The following MEI1 variants were observed in gnomAD, a reference collection of about 807,000 sequenced individuals.
MEI1 encodes the protein meiosis inhibitor protein 1.
In MEI1, 103 loss-of-function variants were observed where a neutral mutation model predicts 146.2. That is an observed-to-expected ratio of 0.70 (90% confidence interval 0.60 to 0.83). The LOEUF is 0.83. Ranked by LOEUF, MEI1 falls within the 40% of genes least tolerant of loss-of-function variation. MEI1 has a pLI of 0.00. For missense variants in MEI1, 1,529 were observed against 1,533.0 expected (o/e 1.00, Z 0.04); for synonymous variants, 652 against 628.2 (o/e 1.04, Z -0.57).
intron 19 of MEI1, among the ~76,000 whole-genome samples, chr22:41,766,889 A>T (rs1182151684): frequency 6.6e-6 from 1 of 152,180 alleles, no homozygotes; most frequent in Non-Finnish European, 1.5e-5. Flanking sequence ...TTTATCAGGA[A>T]GTTGTTCTGA....
At position 41,799,176 on chromosome 22, in the gene MEI1, G is replaced by A. The variant is rs554426178; in HGVS notation, c.3780-78G>A. On this transcript the variant is annotated intron_variant, in intron 30 of 30. Transcript: ENST00000401548. ...TGTTCTTGCCTGACCATTCTTGACT[G>A]TTTTGGGCTCTGGAAGTGTGATGCC... The A allele has an allele frequency of 4.3e-6, 6 of 1,399,410 alleles. No homozygotes were observed. The South Asian group carries it at 5.8e-5, about 14-fold the overall frequency. The allele number at this position is 1,399,410 out of a possible 1,614,324, so 86.7% of individuals were successfully genotyped here. A position where few individuals can be genotyped will look rare whatever the true frequency, so the allele number is the denominator to read the frequency against.
intron 20 of MEI1, among the ~76,000 whole-genome samples, chr22:41,773,716 A>G (rs2075304476): frequency 6.6e-6 from 1 of 152,102 alleles, no homozygotes; most frequent in African/African-American, 2.4e-5. Context: ...TCTACTAAAA[A>G]TACAAAAAAT....
intron 1 of MEI1, among the ~76,000 whole-genome samples, chr22:41,700,597 C>T (rs551987463): frequency 1.1e-3 from 29 of 26,258 alleles, no homozygotes; most frequent in African/African-American, 1.5e-3. Context: ...TCCCATAGTG[C>T]TGGGATTATA....
In MEI1 at chr22:41,723,934, G is replaced by A. The variant is rs748299582; in HGVS notation, c.734-9G>A. ...TCTTGCCTTACTTCCCAATCCCTTT[G>A]TTTCCTAGGTTTGCTGAGGCAGCTG... is the stretch of plus-strand genomic sequence containing the variant. On this transcript the variant is annotated splice_polypyrimidine_tract_variant and intron_variant, in intron 6 of 30. Coordinates refer to ENST00000401548, the MANE Select transcript of MEI1 (RefSeq NM_152513.4). 5 of 1,587,518 alleles carry A rather than the reference G, an allele frequency of 3.1e-6. No homozygotes were observed. Among genetic ancestry groups the A allele is most frequent in the Non-Finnish European group, 4.3e-6 (5 of 1,166,498 alleles).
Position 41,729,695 on chromosome 22 carries a change from G to A in MEI1, c.895G>A (p.Val299Met), listed in dbSNP as rs2071684439. ...LLLSRDETLQ[V>M]ASAHCITAVL... The stretch of plus-strand genomic sequence containing the variant: ...CCTCTCTAGAGATGAAACCCTGCAG[G>A]TGGCCAGTGCTCACTGTATAACTGC... The change falls in exon 8 of 31, where the codon GTG becomes ATG. Residue 299 changes from valine (V) to methionine (M), a missense_variant. Val to Met is a conservative substitution (Grantham distance 21). Around this residue, in one of 3 missense-constraint regions of MEI1, gnomAD observed 1,212 missense variants for 1,178.9 expected, o/e 1.03. Transcript: ENST00000401548. 1 of 1,611,990 alleles carries A rather than the reference G, an allele frequency of 6.2e-7. No individual in the cohort carries two copies. The highest frequency in any genetic ancestry group is 2.2e-5 in the East Asian group (1 of 44,832).
chr22:41,779,634 T>C (rs1279481287), intron 22 of MEI1, among the ~76,000 whole-genome samples: 3 of 152,186 alleles, frequency 2.0e-5, no homozygotes, highest in African/African-American at 7.2e-5. Flanking sequence ...GTTGTTAAGA[T>C]AAGGAATACT....
chr22:41,732,443 C>T (rs1413860703), intron 10 of MEI1, 26 bp from the exon 11 acceptor site: 2 of 1,613,648 alleles, frequency 1.2e-6, no homozygotes, highest in Non-Finnish European at 1.7e-6. Context: ...AGTTCACCTA[C>T]TCGTTTCTCA....
intron 5 of MEI1, 68 bp downstream of exon 5, chr22:41,716,214 T>C: frequency 9.3e-7 from 1 of 1,077,126 alleles, no homozygotes; most frequent in Non-Finnish European, 1.4e-6. Context: ...CATTTGGGTG[T>C]CCCATTCACT....
At chr22:41,704,092 C>A (rs1276190064) in intron 2 of MEI1, among the ~76,000 whole-genome samples, 1 of 152,202 alleles carries the variant, frequency 6.6e-6, no homozygotes, top group African/African-American at 2.4e-5. Context: ...TACTTTCCCT[C>A]TCCTGTGCCT....
At chr22:41,778,281 T>A (rs1363636996) in intron 21 of MEI1, among the ~76,000 whole-genome samples, 1 of 144,782 alleles carries the variant, frequency 6.9e-6, no homozygotes, top group Non-Finnish European at 1.5e-5. Flanking sequence ...ACCAAAGGCC[T>A]CACTTCCTAA....
intron 19 of MEI1, among the ~76,000 whole-genome samples, chr22:41,769,396 A>T (rs1216371751): frequency 1.3e-5 from 2 of 152,234 alleles, no homozygotes; most frequent in Non-Finnish European, 2.9e-5. Context: ...AACTCATATC[A>T]TACACAAAAA....
intron 26 of MEI1, among the ~76,000 whole-genome samples, chr22:41,792,312 A>G (rs2076207833): frequency 6.6e-6 from 1 of 152,206 alleles, no homozygotes; most frequent in Non-Finnish European, 1.5e-5. Context: ...AATCTTCAGC[A>G]GTTGGGTGGC....
chr22:41,758,324 A>T (rs761416694), intron 17 of MEI1, 41 bp from the exon 18 acceptor site: 2 of 1,587,708 alleles, frequency 1.3e-6, no homozygotes, highest in Non-Finnish European at 1.7e-6. Context: ...CTGTTCTTCT[A>T]TGTTCTCTGT....
chr22:41,769,647 T>G (rs1044162033), intron 19 of MEI1, among the ~76,000 whole-genome samples: 1 of 151,542 alleles, frequency 6.6e-6, no homozygotes, highest in African/African-American at 2.4e-5. Context: ...AAATTTTTTA[T>G]TTTTAGTAGA....
chr22:41,699,907 C>T (rs973354804), intron 1 of MEI1, among the ~76,000 whole-genome samples, 195 bp downstream of exon 1: 11 of 152,232 alleles, frequency 7.2e-5, no homozygotes, highest in Non-Finnish European at 1.3e-4. Context: ...CCCAGGCCGG[C>T]CTGCGGGCCT....
chr22:41,778,562 G>C, intron 21 of MEI1, 146 bp from the exon 22 acceptor site: 1 of 612,530 alleles, frequency 1.6e-6, no homozygotes, highest in African/African-American at 1.8e-5. Flanking sequence ...AAAGAAATAG[G>C]AGTAAATCCC....
chr22:41,770,973 C>G lies in MEI1; in HGVS notation c.2544+12C>G, dbSNP rs1014096094. 1 of 1,610,644 alleles carries G rather than the reference C, an allele frequency of 6.2e-7. No homozygotes were observed. Among genetic ancestry groups the G allele is most frequent in the East Asian group, 2.2e-5 (1 of 44,854 alleles). On this transcript the variant is annotated intron_variant, in intron 20 of 30. Transcript: ENST00000401548. ...TGCTCATCTTGCTGGTAGGCAACCACTCATTCATTTCTACATTCAGAAATC... is the reference window on the plus strand; with the variant it reads ...TGCTCATCTTGCTGGTAGGCAACCAGTCATTCATTTCTACATTCAGAAATC...
intron 7 of MEI1, among the ~76,000 whole-genome samples, chr22:41,725,004 A>G (rs2071195923): frequency 6.6e-6 from 1 of 151,318 alleles, no homozygotes; most frequent in Non-Finnish European, 1.5e-5. Context: ...GGATCTTTCT[A>G]TGTTGCTTGG....
intron 3 of MEI1, among the ~76,000 whole-genome samples, chr22:41,711,995 A>C (rs1366325115): frequency 1.3e-5 from 2 of 151,436 alleles, no homozygotes; most frequent in African/African-American, 4.9e-5. Context: ...TGAGGTTAGG[A>C]GTTCGAGACC....
Sources: allele counts gnomAD v4.1 joint callset (sites outside exome capture counted in the v4.1 genomes callset), GRCh38; gene constraint gnomAD v4.1.1; regional missense constraint gnomAD v4.1.1; transcripts MANE v1.5; gene names NCBI Gene and HGNC (gene_info 2026-07-23, HGNC 2026-07-21).